Variants in THAP4 observed in about 807,000 individuals in gnomAD.
The protein encoded by THAP4 is THAP domain containing 4, also known as peroxynitrite isomerase THAP4.
In THAP4, 18 loss-of-function variants were observed where a neutral mutation model predicts 48.1. The observed-to-expected ratio is 0.37, with a 90% CI of 0.26 to 0.56. THAP4 has a LOEUF of 0.56. THAP4 is among the 20% of genes least tolerant of loss of function. The probability of loss-of-function intolerance (pLI) is 0.78; values close to 1 mark genes in which losing one functional copy is unlikely to be tolerated. For missense variants in THAP4, 656 were observed against 774.9 expected (o/e 0.85, Z 1.82); for synonymous variants, 345 against 324.9 (o/e 1.06, Z -0.66).
At chr2:241,595,883 T>C (rs537259626) in intron 5 of THAP4, among the ~76,000 whole-genome samples, 1 of 152,286 alleles carries the variant, frequency 6.6e-6, no homozygotes, top group South Asian at 2.1e-4. Context: ...GGAACGACCC[T>C]GGGCACTGAG....
intron 4 of THAP4, 161 bp from the exon 5 acceptor site, chr2:241,602,160 C>T (rs574340502): frequency 4.5e-5 from 31 of 683,944 alleles, no homozygotes; most frequent in African/African-American, 2.3e-4. Context: ...CCTGTGGATA[C>T]GGAGGGAAAG....
chr2:241,617,526 G>A, intron 2 of THAP4: 1 of 1,473,722 alleles, frequency 6.8e-7, no homozygotes, highest in East Asian at 2.5e-5. Flanking sequence ...GGAAGTGAAT[G>A]CTAACTTTAA....
At position 241,617,954 on chromosome 2, in the gene THAP4, G is replaced by A. The variant is rs182066662; in HGVS notation, c.1241-11481C>T. 4.3e-3 allele frequency among the ~76,000 whole-genome samples: 660 copies of A among 152,358 alleles called. 2 individuals are homozygous for A. Among genetic ancestry groups the A allele is most frequent in the Admixed American group, 8.1e-3 (124 of 15,312 alleles). On this transcript the variant is annotated intron_variant, in intron 2 of 5. Transcript: ENST00000407315. Reference sequence around the variant, plus strand: ...GGAAGTGAGCAAATGCACCCACTGGGACCTGGGGACGGCTCCTTCCTGGAG... The same window carrying A: ...GGAAGTGAGCAAATGCACCCACTGGAACCTGGGGACGGCTCCTTCCTGGAG...
intron 1 of THAP4, among the ~76,000 whole-genome samples, 172 bp downstream of exon 1, chr2:241,636,769 G>A (rs946432380): frequency 1.3e-5 from 2 of 150,154 alleles, no homozygotes; most frequent in Non-Finnish European, 3.0e-5. Context: ...CGAGGCGCCC[G>A]GCCCAGAGAC....
chr2:241,600,316 T>C (rs6751268), intron 5 of THAP4, among the ~76,000 whole-genome samples: 49,642 of 152,122 alleles, frequency 0.33, 8,440 homozygotes, highest in South Asian at 0.46. Context: ...GTGTTGGGAC[T>C]ACTGGGTCAC....
At chr2:241,626,233 G>A (rs887168206) in intron 2 of THAP4, among the ~76,000 whole-genome samples, 1 of 152,130 alleles carries the variant, frequency 6.6e-6, no homozygotes, top group Admixed American at 6.5e-5. Flanking sequence ...ATGAGGTCAG[G>A]AGATCGAGAC....
chr2:241,600,179 G>A (rs1328631745), intron 5 of THAP4, among the ~76,000 whole-genome samples: 1 of 152,130 alleles, frequency 6.6e-6, no homozygotes, highest in Non-Finnish European at 1.5e-5. Flanking sequence ...CTGGGCAACA[G>A]AGCAAGACTC....
In THAP4 at chr2:241,616,137, A is replaced by G. The variant is rs1456314412; in HGVS notation, c.1241-9664T>C. On this transcript the variant is annotated intron_variant, in intron 2 of 5. Transcript: ENST00000407315. This position sits in a 1 kb window ranked among gnomAD's most constrained non-coding sequence, Gnocchi z 4.6. ...CTGAAGTCTGGTCAAGTTGAACTGG[A>G]CCATCTATTCCCCCAAGTGGGCCTG... 6.6e-6 allele frequency among the ~76,000 whole-genome samples: 1 copy of G among 152,162 alleles called. No individual in the cohort carries two copies. The highest frequency in any genetic ancestry group is 2.4e-5 in the African/African-American group (1 of 41,426).
chr2:241,610,218 G>A lies in THAP4; in HGVS notation c.1241-3745C>T, dbSNP rs927920912. ...AGGACAGCCCCGGGCTAGGGTGAGG[G>A]GCACGCGCCGCAAGTCCTGCCTCTG... On this transcript the variant is annotated intron_variant, in intron 2 of 5. Coordinates refer to ENST00000407315, the MANE Select transcript of THAP4 (RefSeq NM_015963.6). This position sits in a 1 kb window ranked among gnomAD's most constrained non-coding sequence, Gnocchi z 4.2. Among the ~76,000 whole-genome samples the A allele has an allele frequency of 2.6e-5, 4 of 152,182 alleles. No homozygotes were observed. Among genetic ancestry groups the A allele is most frequent in the Non-Finnish European group, 5.9e-5 (4 of 68,004 alleles).
chr2:241,632,265 G>C (rs917638208), intron 2 of THAP4, among the ~76,000 whole-genome samples: 1 of 151,998 alleles, frequency 6.6e-6, no homozygotes, highest in Non-Finnish European at 1.5e-5. Flanking sequence ...GCTAGTTTTT[G>C]TATGTTTTAG....
intron 5 of THAP4, among the ~76,000 whole-genome samples, chr2:241,597,086 T>C (rs2067059209): frequency 6.6e-6 from 1 of 152,244 alleles, no homozygotes; most frequent in Non-Finnish European, 1.5e-5. Flanking sequence ...TACAATCTTA[T>C]GGCCTGACCA....
chr2:241,597,290 C>T (rs1485231573), intron 5 of THAP4, among the ~76,000 whole-genome samples: 1 of 152,080 alleles, frequency 6.6e-6, no homozygotes, highest in African/African-American at 2.4e-5. Flanking sequence ...CCCGCCATCA[C>T]GCCTGGCTAA....
intron 4 of THAP4, among the ~76,000 whole-genome samples, chr2:241,602,761 C>A (rs1023917910): frequency 2.6e-5 from 4 of 152,250 alleles, no homozygotes; most frequent in Admixed American, 2.0e-4. Context: ...GGGGGCTGCA[C>A]GCACACAACC....
chr2:241,627,304 G>T (rs1176278011), intron 2 of THAP4, among the ~76,000 whole-genome samples: 1 of 152,206 alleles, frequency 6.6e-6, no homozygotes, highest in Non-Finnish European at 1.5e-5. Flanking sequence ...AAAGAAAACA[G>T]ATTTTGAAGC....
At position 241,633,170 on chromosome 2, in the gene THAP4, G is replaced by A. The variant is rs750010467; in HGVS notation, c.987C>T (p.Asn329=). 10 of 1,609,128 alleles carry A rather than the reference G, an allele frequency of 6.2e-6. No individual in the cohort carries two copies. Among genetic ancestry groups the A allele is most frequent in the Admixed American group, 3.4e-5 (2 of 59,568 alleles). The change falls in exon 2 of 6, where the codon AAC becomes AAT. Residue 329 remains asparagine, a synonymous_variant. Coordinates refer to ENST00000407315, the MANE Select transcript of THAP4 (RefSeq NM_015963.6). This position sits in a 1 kb window ranked among gnomAD's most constrained non-coding sequence, Gnocchi z 7.5. Reference sequence around the variant, plus strand: ...CCCCTGACGCCGACAGGATGACCTCGTTGATGGACATGGGGCTGGCGTCGC... The same window carrying A: ...CCCCTGACGCCGACAGGATGACCTCATTGATGGACATGGGGCTGGCGTCGC... ...EHSDASPMSI[N]EVILSASGAC... is the part of the protein sequence containing the mutation.
intron 2 of THAP4, among the ~76,000 whole-genome samples, chr2:241,618,764 T>G (rs1575033171): frequency 6.6e-6 from 1 of 151,300 alleles, no homozygotes; most frequent in South Asian, 2.1e-4. Flanking sequence ...TCTCCTGGGG[T>G]CCTACATTTT....
intron 2 of THAP4, among the ~76,000 whole-genome samples, chr2:241,620,729 A>C (rs577059164): frequency 6.6e-6 from 1 of 152,014 alleles, no homozygotes; most frequent in East Asian, 1.9e-4. Flanking sequence ...ACTATGGTAG[A>C]CTTTCTCAAT....
In THAP4 at chr2:241,633,562, CGCCA is replaced by C; in HGVS notation, c.591_594del (p.Gly198MetfsTer12). The C allele has an allele frequency of 6.2e-7, 1 of 1,613,854 alleles. No homozygotes were observed. Among genetic ancestry groups the C allele is most frequent in the Non-Finnish European group, 8.5e-7 (1 of 1,179,900 alleles). On this transcript the variant is annotated frameshift_variant, in exon 2 of 6. Transcript: ENST00000407315. LOFTEE classifies it high-confidence loss of function. The surrounding 1 kb of genome is among the most constrained non-coding windows in gnomAD (Gnocchi z 7.5). The stretch of plus-strand genomic sequence containing the variant: ...TCGATGGAGGAAGTGGCGCTCTCAT[CGCCA>C]GCATCTGTGGCAGACGCTTCTGCTT...
At chr2:241,605,576 C>T (rs1235599330) in intron 3 of THAP4, among the ~76,000 whole-genome samples, 1 of 152,250 alleles carries the variant, frequency 6.6e-6, no homozygotes, top group East Asian at 1.9e-4. Context: ...TACTGAGGGA[C>T]CTCAAGGGGC....
Sources: allele counts gnomAD v4.1 joint callset (sites outside exome capture counted in the v4.1 genomes callset), GRCh38; gene constraint gnomAD v4.1.1; non-coding constraint Gnocchi (gnomAD v3.1); transcripts MANE v1.5; gene names NCBI Gene and HGNC (gene_info 2026-07-23, HGNC 2026-07-21).